The following CCNI variants were observed in gnomAD, a reference collection of about 807,000 sequenced individuals.
CCNI encodes cyclin I.
Under a neutral mutation model 34.1 loss-of-function variants are expected in CCNI, and 14 were observed. The observed-to-expected ratio is 0.41, with a 90% CI of 0.27 to 0.64. The LOEUF (loss-of-function observed/expected upper bound fraction) is 0.64. CCNI is among the 30% of genes least tolerant of loss of function. CCNI has a pLI of 0.31. For synonymous variants in CCNI, 154 were observed against 158.4 expected (o/e 0.97, Z 0.21); for missense variants, 385 against 440.5 (o/e 0.87, Z 1.13).
rs112324009 is a variant in CCNI at position 77,066,050 on chromosome 4, G to A, written c.114+199C>T. ...CGGGAGGCAGGGGTTGCAGTGAGCT[G>A]AGATCATGCCACAGCACTCCAGACT... On this transcript the variant is annotated intron_variant, in intron 2 of 6. Coordinates refer to ENST00000237654, the MANE Select transcript of CCNI (RefSeq NM_006835.3). The A allele has an allele frequency of 3.4e-3, 1,685 of 500,812 alleles. 20 individuals are homozygous for A. The highest frequency in any genetic ancestry group is 0.03 in the African/African-American group (1,510 of 50,840). 31.0% of individuals were successfully genotyped at this position (500,812 alleles called of 1,614,324 possible). A position where few individuals can be genotyped will look rare whatever the true frequency, so the allele number is the denominator to read the frequency against.
intron 6 of CCNI, among the ~76,000 whole-genome samples, chr4:77,051,240 C>G (rs1458642092): frequency 6.6e-6 from 1 of 152,188 alleles, no homozygotes. Context: ...GGAGAGCCAA[C>G]TGTACCTCGT....
At chr4:77,057,649 C>T (rs1212627161) in intron 3 of CCNI, among the ~76,000 whole-genome samples, 3 of 152,172 alleles carry the variant, frequency 2.0e-5, no homozygotes, top group African/African-American at 7.2e-5. Flanking sequence ...GGCCTATTTA[C>T]TAACTTGACA....
intron 2 of CCNI, among the ~76,000 whole-genome samples, chr4:77,060,654 C>T (rs1301051769): frequency 6.1e-5 from 9 of 146,972 alleles, no homozygotes; most frequent in Admixed American, 1.4e-4. Flanking sequence ...GATGGAGTCT[C>T]GCTCTGTCAC....
chr4:77,049,681 TAA>T (rs34290249), intron 6 of CCNI, among the ~76,000 whole-genome samples: 54 of 136,124 alleles, frequency 4.0e-4, no homozygotes, highest in Admixed American at 5.1e-4. Flanking sequence ...GACTCTGTCT[TAA>T]AAAAAAAAAA....
At chr4:77,055,707 T>C (rs1304029178) in intron 5 of CCNI, among the ~76,000 whole-genome samples, 1 of 152,172 alleles carries the variant, frequency 6.6e-6, no homozygotes, top group African/African-American at 2.4e-5. Flanking sequence ...CCTCAAGTGA[T>C]CCGCCTGCCT....
Position 77,075,642 on chromosome 4 carries a change from G to GGGGCGCGGGCGCGGGCGC in CCNI, c.-232_-215dup, listed in dbSNP as rs147494324. 3 of 874,402 alleles carry GGGGCGCGGGCGCGGGCGC rather than the reference G, an allele frequency of 3.4e-6. No homozygotes were observed. In the East Asian group the frequency reaches 3.8e-4, roughly 110 times the overall value. The allele number at this position is 874,402 out of a possible 1,614,324, so 54.2% of individuals were successfully genotyped here. On this transcript the variant is annotated 5_prime_UTR_variant, in exon 1 of 7. Coordinates refer to ENST00000237654, the MANE Select transcript of CCNI (RefSeq NM_006835.3). ...GAGGGAGAAAGGGGAAGCGGATCGG[G>GGGGCGCGGGCGCGGGCGC]GGGCGCGGGCGCGGGCGCTGGCGCT...
At position 77,075,551 on chromosome 4, in the gene CCNI, C is replaced by T. The variant is rs1729871819; in HGVS notation, c.-123G>A. On this transcript the variant is annotated 5_prime_UTR_variant, in exon 1 of 7. Coordinates refer to ENST00000237654, the MANE Select transcript of CCNI (RefSeq NM_006835.3). ...GTGGTGACGCGGGGTCATCCGGGGG[C>T]CCGTTACCACCTCATTCTCATAGGC... 1.0e-6 allele frequency: 1 copy of T among 988,482 alleles called. No individual in the cohort carries two copies. The allele number at this position is 988,482 out of a possible 1,614,324, so 61.2% of individuals were successfully genotyped here.
chr4:77,067,664 G>T (rs550357675), intron 1 of CCNI, among the ~76,000 whole-genome samples: 1 of 137,206 alleles, frequency 7.3e-6, no homozygotes, highest in South Asian at 2.2e-4. Context: ...GTAATTTTGT[G>T]GGGTTTTTTT....
chr4:77,055,460 A>ATTT (rs1728156294), intron 5 of CCNI, 80 bp from the exon 6 acceptor site: 2 of 909,078 alleles, frequency 2.2e-6, no homozygotes, highest in Non-Finnish European at 1.7e-6. Flanking sequence ...AACCTATTCA[A>ATTT]TTTCTTTTTT....
At position 77,048,411 on chromosome 4, in the gene CCNI, A is replaced by G. The variant is rs1159295214; in HGVS notation, c.942T>C (p.Ser314=). Residue 314 remains serine, a synonymous_variant, in exon 7 of 7, where the codon AGT becomes AGC. Transcript: ENST00000237654. The stretch of plus-strand genomic sequence containing the variant: ...GTTTAGTAGAGGTCTGCTTGCACCC[A>G]CTGGCAGCTGGGAGATGATGGTAAA... ...AAFYHHLPAA[S]GCKQTSTKRK... is the part of the protein sequence containing the mutation. The G allele has an allele frequency of 6.2e-6, 10 of 1,613,942 alleles. No individual in the cohort carries two copies. Among genetic ancestry groups the G allele is most frequent in the African/African-American group, 1.3e-5 (1 of 74,964 alleles).
intron 1 of CCNI, among the ~76,000 whole-genome samples, chr4:77,069,288 G>A (rs907270092): frequency 1.3e-5 from 2 of 152,182 alleles, no homozygotes; most frequent in African/African-American, 2.4e-5. Flanking sequence ...GTGGTGGCAC[G>A]TGCCTGTGGT....
chr4:77,068,382 CTA>C (rs1211833046), intron 1 of CCNI, among the ~76,000 whole-genome samples: 1 of 152,076 alleles, frequency 6.6e-6, no homozygotes, highest in Non-Finnish European at 1.5e-5. Context: ...GGAGACATAA[CTA>C]TGGATATTGG....
Position 77,055,230 on chromosome 4 carries a change from G to C in CCNI, c.610C>G (p.Leu204Val). ...TCCATTTCCAGACTAACCATGGCCAGAGCAAGCATGGATCCTCTGAATTGC... is the reference window on the plus strand; with the variant it reads ...TCCATTTCCAGACTAACCATGGCCACAGCAAGCATGGATCCTCTGAATTGC... ...LLQFRGSMLA[L>V]AMVSLEMEKL... Residue 204 changes from leucine to valine, a missense_variant, in exon 6 of 7, where the codon CTG (leucine) becomes GTG (valine). By Grantham distance (32) the Leu-to-Val change is conservative (BLOSUM62 1). Transcript: ENST00000237654. 1 of 1,614,146 alleles carries C rather than the reference G, an allele frequency of 6.2e-7. No individual in the cohort carries two copies. The highest frequency in any genetic ancestry group is 8.5e-7 in the Non-Finnish European group (1 of 1,180,006).
In CCNI at chr4:77,055,422, C is replaced by G. The variant is rs1201487062; in HGVS notation, c.460-42G>C. On this transcript the variant is annotated intron_variant, in intron 5 of 6. Coordinates refer to ENST00000237654, the MANE Select transcript of CCNI (RefSeq NM_006835.3). ...CATCATTTTAACTTTATTTAAATAT[C>G]TGGGAAATTACATATAGAAATTGAT... 6.3e-6 allele frequency: 8 copies of G among 1,277,188 alleles called. No individual in the cohort carries two copies. In the East Asian group the frequency reaches 1.9e-4, roughly 30 times the overall value. 79.1% of individuals were successfully genotyped at this position (1,277,188 alleles called of 1,614,324 possible). A position where few individuals can be genotyped will look rare whatever the true frequency, so the allele number is the denominator to read the frequency against.
intron 1 of CCNI, among the ~76,000 whole-genome samples, chr4:77,072,056 C>T (rs538641348): frequency 6.8e-4 from 104 of 152,234 alleles, no homozygotes; most frequent in African/African-American, 2.2e-3. Flanking sequence ...AGACAGACAT[C>T]ACTAGAAAAC....
In CCNI at chr4:77,075,642, GGGGCGC is replaced by G. The variant is rs147494324; in HGVS notation, c.-220_-215del. ...GAGGGAGAAAGGGGAAGCGGATCGG[GGGGCGC>G]GGGCGCGGGCGCTGGCGCTCGAGCG... is the stretch of plus-strand genomic sequence containing the variant. On this transcript the variant is annotated 5_prime_UTR_variant, in exon 1 of 7. Coordinates refer to ENST00000237654, the MANE Select transcript of CCNI (RefSeq NM_006835.3). 57,375 of 873,886 alleles carry G rather than the reference GGGGCGC, an allele frequency of 0.066. 3,014 individuals are homozygous for G. Among genetic ancestry groups the G allele is most frequent in the African/African-American group, 0.2 (10,938 of 54,208 alleles). The allele number at this position is 873,886 out of a possible 1,614,324, so 54.1% of individuals were successfully genotyped here. A position where few individuals can be genotyped will look rare whatever the true frequency, so the allele number is the denominator to read the frequency against.
At chr4:77,071,728 C>T (rs1729479563) in intron 1 of CCNI, among the ~76,000 whole-genome samples, 1 of 152,040 alleles carries the variant, frequency 6.6e-6, no homozygotes, top group Non-Finnish European at 1.5e-5. Context: ...CTGTGTGCAA[C>T]TAAATTGGCA....
At chr4:77,067,753 G>C (rs1249030376) in intron 1 of CCNI, among the ~76,000 whole-genome samples, 1 of 142,248 alleles carries the variant, frequency 7.0e-6, no homozygotes, top group Non-Finnish European at 1.5e-5. Context: ...AAAGCACTGG[G>C]GTTACAGGTG....
At chr4:77,068,908 ATT>A (rs982827816) in intron 1 of CCNI, among the ~76,000 whole-genome samples, 2 of 152,114 alleles carry the variant, frequency 1.3e-5, no homozygotes, top group African/African-American at 4.8e-5. Flanking sequence ...CTCAATTATG[ATT>A]TTGTTAATTT....
Sources: allele counts gnomAD v4.1 joint callset (sites outside exome capture counted in the v4.1 genomes callset), GRCh38; gene constraint gnomAD v4.1.1; transcripts MANE v1.5; gene names NCBI Gene and HGNC (gene_info 2026-07-23, HGNC 2026-07-21).